The following LRRC20 variants were observed in gnomAD, a reference collection of about 807,000 sequenced individuals.
LRRC20 encodes the protein leucine rich repeat containing 20.
LRRC20 carries 11 observed loss-of-function variants against 14.4 expected under a neutral mutation model. The observed-to-expected ratio is 0.77, with a 90% CI of 0.48 to 1.27. LRRC20 has a LOEUF of 1.27. Among genes scored for constraint, LRRC20 ranks in the 50% most tolerant of loss-of-function variants. LRRC20 has a pLI of 0.00. For missense variants in LRRC20, 219 were observed against 251.2 expected (o/e 0.87, Z 0.87); for synonymous variants, 121 against 107.3 (o/e 1.13, Z -0.79).
chr10:70,350,283 T>C (rs534101040), intron 2 of LRRC20, among the ~76,000 whole-genome samples: 3 of 152,304 alleles, frequency 2.0e-5, no homozygotes, highest in Middle Eastern at 3.4e-3. Flanking sequence ...AGAAAGATCC[T>C]TGGGGGAGGC....
chr10:70,361,708 C>G (rs540308143), intron 2 of LRRC20, among the ~76,000 whole-genome samples: 23 of 152,236 alleles, frequency 1.5e-4, no homozygotes, highest in African/African-American at 5.3e-4. Context: ...GGCTCCCTCC[C>G]CCACCCTCAC....
chr10:70,325,327 C>T (rs1300251631), intron 3 of LRRC20, among the ~76,000 whole-genome samples: 2 of 152,168 alleles, frequency 1.3e-5, no homozygotes, highest in Non-Finnish European at 2.9e-5. Flanking sequence ...ACACATGATC[C>T]GATCTCCTAC....
rs187434356 is a variant in LRRC20 at position 70,323,867 on chromosome 10, G to A, written c.396C>T (p.Ile132=). Residue 132 remains isoleucine, a synonymous_variant, in exon 4 of 5, where the codon ATC becomes ATT. Coordinates refer to ENST00000446961, the MANE Select transcript of LRRC20 (RefSeq NM_001278212.2). ...AGGTGGGCCAGGCCCACTCACCTAC[G>A]ATCTCGTTCTCCTCCAGGTTGATGG... is the stretch of plus-strand genomic sequence containing the variant. The part of the protein sequence containing the change: ...LETINLEENE[I]VDVPVEKLAA... 4.7e-5 allele frequency: 76 copies of A among 1,614,092 alleles called. No individual in the cohort carries two copies. The highest frequency in any genetic ancestry group is 5.9e-5 in the Non-Finnish European group (70 of 1,180,018).
At chr10:70,326,482 A>C (rs1212398887) in intron 3 of LRRC20, among the ~76,000 whole-genome samples, 1 of 151,368 alleles carries the variant, frequency 6.6e-6, no homozygotes, top group Admixed American at 6.6e-5. Context: ...ATAAATAATG[A>C]CTCTTCTCCC....
intron 3 of LRRC20, among the ~76,000 whole-genome samples, chr10:70,325,680 G>C (rs1018024243): frequency 2.6e-5 from 4 of 152,352 alleles, no homozygotes; most frequent in Admixed American, 1.3e-4. Flanking sequence ...CCCCAGGCCA[G>C]GGTGGAAGGC....
intron 2 of LRRC20, among the ~76,000 whole-genome samples, chr10:70,360,616 T>C (rs921134552): frequency 2.6e-5 from 4 of 152,086 alleles, no homozygotes; most frequent in African/African-American, 9.7e-5. Context: ...TTTCTTTTAG[T>C]TTTTTTGTAG....
intron 4 of LRRC20, among the ~76,000 whole-genome samples, chr10:70,310,716 C>G (rs1232574189): frequency 5.3e-5 from 8 of 152,212 alleles, no homozygotes; most frequent in Non-Finnish European, 8.8e-5. Flanking sequence ...GGGCAAACAG[C>G]AGAATCGCCA....
At chr10:70,352,862 T>C (rs999193427) in intron 2 of LRRC20, among the ~76,000 whole-genome samples, 6 of 152,230 alleles carry the variant, frequency 3.9e-5, no homozygotes, top group African/African-American at 1.4e-4. Flanking sequence ...TCTCCAGGAC[T>C]TTTGCATCTT....
In LRRC20 at chr10:70,300,671, G is replaced by A. The variant is rs997933174; in HGVS notation, c.*683C>T. The A allele has an allele frequency of 1.0e-6, 1 of 985,546 alleles. No individual in the cohort carries two copies. Among genetic ancestry groups the A allele is most frequent in the Non-Finnish European group, 1.2e-6 (1 of 830,122 alleles). The allele number at this position is 985,546 out of a possible 1,614,324, so 61.1% of individuals were successfully genotyped here. A position where few individuals can be genotyped will look rare whatever the true frequency, so the allele number is the denominator to read the frequency against. ...TTTGTTAACTGTGGGGAATGACAGA[G>A]CTGACGTGACTTGCTCCCCATTCCC... On this transcript the variant is annotated 3_prime_UTR_variant, in exon 5 of 5. Transcript: ENST00000446961.
intron 3 of LRRC20, among the ~76,000 whole-genome samples, chr10:70,326,268 A>C (rs568891148): frequency 7.9e-4 from 115 of 145,378 alleles, no homozygotes; most frequent in Admixed American, 2.5e-3. Context: ...GTGAAAACTG[A>C]CCCCTGCCCC....
At chr10:70,382,303 G>A (rs1424844641) in intron 1 of LRRC20, among the ~76,000 whole-genome samples, 2 of 152,346 alleles carry the variant, frequency 1.3e-5, no homozygotes, top group Non-Finnish European at 2.9e-5. Context: ...AACCATCGGG[G>A]TCCAGGTGCA....
At chr10:70,333,831 G>A (rs985230837) in intron 3 of LRRC20, among the ~76,000 whole-genome samples, 3 of 152,216 alleles carry the variant, frequency 2.0e-5, no homozygotes, top group Non-Finnish European at 4.4e-5. Flanking sequence ...CTATTCCAGT[G>A]GTGGGTTGCA....
intron 2 of LRRC20, among the ~76,000 whole-genome samples, chr10:70,363,675 G>A (rs940133129): frequency 6.6e-6 from 1 of 152,324 alleles, no homozygotes; most frequent in South Asian, 2.1e-4. Flanking sequence ...CCCACCCAGG[G>A]ATACAAAGCC....
intron 4 of LRRC20, among the ~76,000 whole-genome samples, chr10:70,306,102 G>GTCTCTCTCTC (rs55733521): frequency 6.9e-6 from 1 of 144,518 alleles, no homozygotes; most frequent in African/African-American, 2.6e-5. Context: ...TGCATTTTCT[G>GTCTCTCTCTC]TCTCTCTCTC....
At chr10:70,368,043 G>C (rs1327137847) in intron 2 of LRRC20, among the ~76,000 whole-genome samples, 1 of 64,098 alleles carries the variant, frequency 1.6e-5, no homozygotes, top group Non-Finnish European at 3.0e-5. Flanking sequence ...GAGTGCAGTA[G>C]CACAATCTTG....
intron 3 of LRRC20, among the ~76,000 whole-genome samples, chr10:70,331,577 G>T (rs921882561): frequency 2.0e-5 from 3 of 152,166 alleles, no homozygotes; most frequent in Non-Finnish European, 2.9e-5. Flanking sequence ...CAGGCCATCT[G>T]CCCAAGGTCT....
chr10:70,356,623 C>T (rs954979804), intron 2 of LRRC20, among the ~76,000 whole-genome samples: 4 of 152,086 alleles, frequency 2.6e-5, no homozygotes, highest in Non-Finnish European at 5.9e-5. Flanking sequence ...GAGGCCGAGG[C>T]GGGCAGATCA....
intron 1 of LRRC20, among the ~76,000 whole-genome samples, chr10:70,377,437 G>A (rs1844549748): frequency 6.6e-6 from 1 of 152,168 alleles, no homozygotes; most frequent in Non-Finnish European, 1.5e-5. Context: ...GCACAGAGAG[G>A]GGCTAGGTGA....
intron 1 of LRRC20, among the ~76,000 whole-genome samples, chr10:70,377,674 G>A (rs971035075): frequency 2.0e-5 from 3 of 152,228 alleles, no homozygotes; most frequent in African/African-American, 7.2e-5. Flanking sequence ...AAGGCGAAGG[G>A]CAGAGAGAAG....
Sources: allele counts gnomAD v4.1 joint callset (sites outside exome capture counted in the v4.1 genomes callset), GRCh38; gene constraint gnomAD v4.1.1; transcripts MANE v1.5; gene names NCBI Gene and HGNC (gene_info 2026-07-23, HGNC 2026-07-21).